The following DLG2 variants were observed in gnomAD, a reference collection of about 807,000 sequenced individuals.
The protein encoded by DLG2 is discs large MAGUK scaffold protein 2, also known as disks large homolog 2.
In DLG2, 45 loss-of-function variants were observed where a neutral mutation model predicts 132.5. The observed-to-expected ratio is 0.34, with a 90% CI of 0.27 to 0.44. The LOEUF (loss-of-function observed/expected upper bound fraction) is 0.44. Ranked by LOEUF, DLG2 falls within the 20% of genes least tolerant of loss-of-function variation. The pLI is 1.00. For missense variants in DLG2, 1,045 were observed against 1,196.9 expected (o/e 0.87, Z 1.87); for synonymous variants, 424 against 419.6 (o/e 1.01, Z -0.13).
chr11:85,013,712 T>G (rs1566648423), intron 6 of DLG2, among the ~76,000 whole-genome samples: 1 of 152,146 alleles, frequency 6.6e-6, no homozygotes, highest in Non-Finnish European at 1.5e-5. Flanking sequence ...GAAAATAAGT[T>G]AAGTTACTAA....
At chr11:84,122,507 C>G (rs756913470) in intron 9 of DLG2, among the ~76,000 whole-genome samples, 18 of 152,050 alleles carry the variant, frequency 1.2e-4, no homozygotes, top group Non-Finnish European at 2.4e-4. Context: ...GGTCAAGCAG[C>G]CTATGAGTTC....
chr11:84,844,267 C>T (rs1180035584), intron 6 of DLG2, among the ~76,000 whole-genome samples: 2 of 150,108 alleles, frequency 1.3e-5, no homozygotes, highest in Non-Finnish European at 3.0e-5. Context: ...GGAATATATA[C>T]ACACACACAT....
chr11:83,993,648 C>G (rs2093853115), intron 11 of DLG2, among the ~76,000 whole-genome samples: 1 of 152,146 alleles, frequency 6.6e-6, no homozygotes, highest in African/African-American at 2.4e-5. Flanking sequence ...CTTCATTACA[C>G]TTGAAATGGA....
At chr11:85,547,861 T>C (rs2076428000) in intron 3 of DLG2, among the ~76,000 whole-genome samples, 1 of 152,124 alleles carries the variant, frequency 6.6e-6, no homozygotes, top group Non-Finnish European at 1.5e-5. Flanking sequence ...TTCTCTAAAC[T>C]GGTTATTCTA....
chr11:84,736,641 A>G (rs936417681), intron 6 of DLG2, among the ~76,000 whole-genome samples: 3 of 151,828 alleles, frequency 2.0e-5, no homozygotes, highest in Non-Finnish European at 4.4e-5. Context: ...AGTATTTCAT[A>G]TTTTATGGTA....
intron 7 of DLG2, among the ~76,000 whole-genome samples, chr11:84,310,902 A>G (rs752144049): frequency 6.6e-6 from 1 of 152,230 alleles, no homozygotes; most frequent in Non-Finnish European, 1.5e-5. Flanking sequence ...CTGCAAAGGA[A>G]CTATGAGGGG....
intron 6 of DLG2, among the ~76,000 whole-genome samples, chr11:84,666,154 G>A (rs781396924): frequency 1.3e-5 from 2 of 152,096 alleles, no homozygotes; most frequent in African/African-American, 4.8e-5. Context: ...GTTTCTGTAA[G>A]GGTGTTTGGG....
chr11:84,798,664 A>T (rs2074988458), intron 6 of DLG2, among the ~76,000 whole-genome samples: 1 of 152,146 alleles, frequency 6.6e-6, no homozygotes, highest in Non-Finnish European at 1.5e-5. Flanking sequence ...TTGGTGTTCT[A>T]TCCTACTGTA....
chr11:85,615,449 A>T (rs982143173), intron 2 of DLG2, among the ~76,000 whole-genome samples: 1 of 152,108 alleles, frequency 6.6e-6, no homozygotes, highest in African/African-American at 2.4e-5. Flanking sequence ...CCCAGAAAGC[A>T]GAGGTTGCAG....
intron 7 of DLG2, among the ~76,000 whole-genome samples, chr11:84,468,508 G>A (rs17147379): frequency 0.073 from 11,070 of 151,402 alleles, 1,371 homozygotes; most frequent in African/African-American, 0.25. Flanking sequence ...CACCAGTTGA[G>A]GACTCCAAAT....
intron 6 of DLG2, among the ~76,000 whole-genome samples, chr11:84,723,248 C>G (rs2062039277): frequency 6.6e-6 from 1 of 152,186 alleles, no homozygotes. Context: ...ATGAATTACC[C>G]AAGCTAAAGC....
rs911644627 is a variant in DLG2, at chr11:84,569,793, A to T, written c.358-35062T>A. Among the ~76,000 whole-genome samples, 4 of 152,206 alleles carry T rather than the reference A, an allele frequency of 2.6e-5. No individual in the cohort carries two copies. The South Asian group carries it at 6.2e-4, about 24-fold the overall frequency. ...TACTCACTTAAGATTGAGGCCAATT[A>T]TGGGAGAACAAAAAGAAAGGAGAAG... On this transcript the variant is annotated intron_variant, in intron 6 of 27. Coordinates refer to ENST00000376104, the MANE Select transcript of DLG2 (RefSeq NM_001142699.3).
At chr11:84,446,654 T>C (rs542869082) in intron 7 of DLG2, among the ~76,000 whole-genome samples, 90 of 152,186 alleles carry the variant, frequency 5.9e-4, no homozygotes, top group African/African-American at 2.1e-3. Context: ...CCACTCCTAA[T>C]AGAAACATGC....
At chr11:84,689,097 C>T (rs1180872151) in intron 6 of DLG2, among the ~76,000 whole-genome samples, 1 of 152,226 alleles carries the variant, frequency 6.6e-6, no homozygotes, top group East Asian at 1.9e-4. Flanking sequence ...TTTATTATTA[C>T]CTGTTTTTTC....
chr11:84,734,203 C>A (rs1038495749), intron 6 of DLG2, among the ~76,000 whole-genome samples: 1 of 152,128 alleles, frequency 6.6e-6, no homozygotes, highest in Non-Finnish European at 1.5e-5. Context: ...ATGGGGATGG[C>A]ATTCAATCTA....
At chr11:84,466,769 C>G (rs1602632603) in intron 7 of DLG2, among the ~76,000 whole-genome samples, 2 of 151,398 alleles carry the variant, frequency 1.3e-5, no homozygotes, top group Middle Eastern at 3.4e-3. Flanking sequence ...ATCCCGTTTA[C>G]AGGATTCTAC....
At chr11:84,641,852 G>C (rs781262347) in intron 6 of DLG2, among the ~76,000 whole-genome samples, 1 of 151,802 alleles carries the variant, frequency 6.6e-6, no homozygotes, top group Non-Finnish European at 1.5e-5. Flanking sequence ...ATAAATGCCA[G>C]TTCCTATTAG....
At chr11:84,007,918 T>C (rs1260416868) in intron 11 of DLG2, among the ~76,000 whole-genome samples, 1 of 151,812 alleles carries the variant, frequency 6.6e-6, no homozygotes, top group Non-Finnish European at 1.5e-5. Context: ...AGTTCCAGTA[T>C]TGAAAGGATA....
intron 17 of DLG2, among the ~76,000 whole-genome samples, chr11:83,793,721 C>T (rs912805543): frequency 1.3e-5 from 2 of 152,078 alleles, no homozygotes; most frequent in Admixed American, 1.3e-4. Flanking sequence ...GTATACCTAC[C>T]TACCTACCTA....
Sources: allele counts gnomAD v4.1 joint callset (sites outside exome capture counted in the v4.1 genomes callset), GRCh38; gene constraint gnomAD v4.1.1; transcripts MANE v1.5; gene names NCBI Gene and HGNC (gene_info 2026-07-23, HGNC 2026-07-21).